E2F1: variants seen among roughly 807,000 people sequenced by gnomAD.
E2F1 encodes E2F transcription factor 1.
In E2F1, 7 loss-of-function variants were observed where a neutral mutation model predicts 36.9. The ratio of observed to expected loss-of-function variants is 0.19; its 90% CI spans 0.11 to 0.36. The LOEUF (loss-of-function observed/expected upper bound fraction) is 0.36. Ranked by LOEUF, E2F1 falls within the 10% of genes least tolerant of loss-of-function variation. The pLI, the probability that E2F1 is intolerant of heterozygous loss-of-function variation, is 1.00. For synonymous variants in E2F1, 261 were observed against 263.1 expected (o/e 0.99, Z 0.08); for missense variants, 406 against 573.6 (o/e 0.71, Z 2.99).
intron 1 of E2F1, among the ~76,000 whole-genome samples, chr20:33,682,922 T>C (rs1001124749): frequency 1.3e-5 from 2 of 152,190 alleles, no homozygotes; most frequent in African/African-American, 2.4e-5. Context: ...TCATGAAACT[T>C]TTCTCTGGTT....
intron 1 of E2F1, among the ~76,000 whole-genome samples, chr20:33,685,123 C>G (rs2018054083): frequency 6.6e-6 from 1 of 152,214 alleles, no homozygotes; most frequent in South Asian, 2.1e-4. Context: ...TAAAGGATCT[C>G]CCTGAGACAT....
chr20:33,676,901 G>C lies in E2F1; in HGVS notation c.1145C>G (p.Ser382Trp). Residue 382 changes from serine to tryptophan, a missense_variant, in exon 7 of 7, where the codon TCG (serine) becomes TGG (tryptophan). Coordinates refer to ENST00000343380, the MANE Select transcript of E2F1 (RefSeq NM_005225.3). ...DRLSPLVAADSLLEHVREDFS... is the reference protein window; with the variant it reads ...DRLSPLVAADWLLEHVREDFS... ...GTCCTCCCGCACATGCTCCAGGAGC[G>C]AGTCGGCCGCCACCAGCGGGGACAG... 6.4e-7 allele frequency: 1 copy of C among 1,569,896 alleles called. No homozygotes were observed. Among genetic ancestry groups the C allele is most frequent in the Non-Finnish European group, 8.6e-7 (1 of 1,156,648 alleles).
In E2F1 at chr20:33,679,584, A is replaced by G. The variant is rs930557826; in HGVS notation, c.572+171T>C. On this transcript the variant is annotated intron_variant, in intron 3 of 6. Coordinates refer to ENST00000343380, the MANE Select transcript of E2F1 (RefSeq NM_005225.3). This position sits in a 1 kb window ranked among gnomAD's most constrained non-coding sequence, Gnocchi z 4.6. ...AAGCTGCAACTGAGGTGGATATGTA[A>G]GATTTGTGTGCTTTTTACCATCTAT... Among the ~76,000 whole-genome samples the G allele has an allele frequency of 6.6e-6, 1 of 152,172 alleles. No homozygotes were observed. The highest frequency in any genetic ancestry group is 1.5e-5 in the Non-Finnish European group (1 of 68,030).
intron 1 of E2F1, among the ~76,000 whole-genome samples, chr20:33,684,250 C>T (rs2018043575): frequency 6.6e-6 from 1 of 152,216 alleles, no homozygotes. Context: ...GAGGACAAGA[C>T]CCTCAGGTTG....
chr20:33,679,751 C>G lies in E2F1; in HGVS notation c.572+4G>C. 1 of 1,612,910 alleles carries G rather than the reference C, an allele frequency of 6.2e-7. No individual in the cohort carries two copies. The highest frequency in any genetic ancestry group is 8.5e-7 in the Non-Finnish European group (1 of 1,179,910). ...GCCTGCCCTCCTGTGTGGCCGGTAC[C>G]TACAGCCACTGGATGTGGTTCTTGG... On this transcript the variant is annotated splice_donor_region_variant and intron_variant, in intron 3 of 6. Transcript: ENST00000343380. The surrounding 1 kb of genome is among the most constrained non-coding windows in gnomAD (Gnocchi z 4.6).
intron 2 of E2F1, 48 bp from the exon 3 acceptor site, chr20:33,680,022 C>A: frequency 1.4e-6 from 2 of 1,447,844 alleles, no homozygotes; most frequent in Admixed American, 2.0e-5. Flanking sequence ...CATCCACCCC[C>A]ACCTCCAGCC....
chr20:33,678,493 C>T, intron 3 of E2F1, 140 bp from the exon 4 acceptor site: 1 of 1,099,624 alleles, frequency 9.1e-7, no homozygotes, highest in South Asian at 1.6e-5. Context: ...GGGTCTGGCT[C>T]CTCAGCTGGG....
Position 33,686,132 on chromosome 20 carries a change from GGGCGCTGGCGTCCTGCGC to G in E2F1, c.115_132del (p.Ala39_Ala44del). ...GCCGCGGGGCCGGTGGGAGCCGGCGGGGCGCTGGCGTCCTGCGCGGCGGAGATGATGACGATCTGCGAG... is the reference window on the plus strand; with the variant it reads ...GCCGCGGGGCCGGTGGGAGCCGGCGGGGCGGAGATGATGACGATCTGCGAG... On this transcript the variant is annotated inframe_deletion, in exon 1 of 7. Transcript: ENST00000343380. 9.4e-7 allele frequency: 1 copy of G among 1,060,994 alleles called. No individual in the cohort carries two copies. The highest frequency in any genetic ancestry group is 1.1e-6 in the Non-Finnish European group (1 of 880,852). The allele number at this position is 1,060,994 out of a possible 1,614,324, so 65.7% of individuals were successfully genotyped here.
chr20:33,680,504 G>T, intron 1 of E2F1, 88 bp from the exon 2 acceptor site: 1 of 1,167,398 alleles, frequency 8.6e-7, no homozygotes, highest in Non-Finnish European at 1.2e-6. Context: ...GGCTACCCTC[G>T]CCTCAGTTTC....
chr20:33,680,474 C>A, intron 1 of E2F1, 58 bp from the exon 2 acceptor site: 1 of 1,536,372 alleles, frequency 6.5e-7, no homozygotes. Flanking sequence ...AGAGACCTGG[C>A]TTAAGGCTGG....
At position 33,676,745 on chromosome 20, in the gene E2F1, G is replaced by A. The variant is rs267605891; in HGVS notation, c.1301C>T (p.Pro434Leu). The change falls in exon 7 of 7, where the codon CCC becomes CTC. Residue 434 changes from proline to leucine, a missense_variant. By Grantham distance (98) the Pro-to-Leu change is moderately conservative. Around this residue, in one of 5 missense-constraint regions of E2F1, gnomAD observed 163 missense variants for 181.5 expected, o/e 0.90. Coordinates refer to ENST00000343380, the MANE Select transcript of E2F1 (RefSeq NM_005225.3). ...CTCCAAGCCCTGTCAGAAATCCAGGGGGGTGAGGTCCCCAAAGTCACAGTC... is the reference window on the plus strand; with the variant it reads ...CTCCAAGCCCTGTCAGAAATCCAGGAGGGTGAGGTCCCCAAAGTCACAGTC... ...LFDCDFGDLTPLDF is the reference protein window; with the variant it reads ...LFDCDFGDLTLLDF 1.6e-5 allele frequency: 25 copies of A among 1,609,078 alleles called. No individual in the cohort carries two copies. The highest frequency in any genetic ancestry group is 2.0e-5 in the Non-Finnish European group (23 of 1,177,886).
chr20:33,677,438 C>A lies in E2F1; in HGVS notation c.828G>T (p.Val276=), dbSNP rs1332961613. The change falls in exon 5 of 7, where the codon GTG becomes GTT. Residue 276 remains valine, a synonymous_variant. Transcript: ENST00000343380. Reference sequence around the variant, plus strand: ...TCCCAGATCTCACCTCCGAAGAGTCCACGGCTTGGAGCTGGGTCTCAGGAG... The same window carrying A: ...TCCCAGATCTCACCTCCGAAGAGTCAACGGCTTGGAGCTGGGTCTCAGGAG... ...KAPPETQLQA[V]DSSENFQISL... The A allele has an allele frequency of 2.5e-6, 4 of 1,613,954 alleles. No homozygotes were observed. In the African/African-American group the frequency reaches 5.3e-5, roughly 22 times the overall value.
intron 1 of E2F1, among the ~76,000 whole-genome samples, chr20:33,684,839 C>A (rs2018051146): frequency 1.3e-5 from 2 of 152,100 alleles, no homozygotes; most frequent in African/African-American, 2.4e-5. Context: ...GCTTCTACCT[C>A]CTTGTCCTGA....
intron 1 of E2F1, among the ~76,000 whole-genome samples, chr20:33,681,950 G>A (rs1458207488): frequency 5.3e-5 from 8 of 152,072 alleles, no homozygotes; most frequent in Non-Finnish European, 8.8e-5. Flanking sequence ...CCCGAGTCAC[G>A]TTTTCCCAGA....
chr20:33,676,952 A>G lies in E2F1; in HGVS notation c.1094T>C (p.Leu365Pro), dbSNP rs1392564339. ...QEPLLSRMGS[L>P]RAPVDEDRLS... ...GCGGTCCTCGTCCACGGGAGCCCGC[A>G]GGCTGCCCATCCGGGACAACAGCGG... Residue 365 changes from leucine to proline, a missense_variant, in exon 7 of 7, where the codon CTG becomes CCG. By Grantham distance (98) the Leu-to-Pro change is moderately conservative (BLOSUM62 -3). Around this residue, in one of 5 missense-constraint regions of E2F1, gnomAD observed 163 missense variants for 181.5 expected, o/e 0.90. Transcript: ENST00000343380. The G allele has an allele frequency of 2.6e-6, 4 of 1,564,272 alleles. No homozygotes were observed. Among genetic ancestry groups the G allele is most frequent in the South Asian group, 2.3e-5 (2 of 86,180 alleles).
chr20:33,678,104 G>C, intron 4 of E2F1, 97 bp downstream of exon 4: 1 of 1,424,160 alleles, frequency 7.0e-7, no homozygotes, highest in Non-Finnish European at 9.4e-7. Flanking sequence ...ACCAAAATCA[G>C]AGCTCTCTCT....
intron 1 of E2F1, among the ~76,000 whole-genome samples, chr20:33,680,639 A>T (rs1171471062): frequency 6.6e-6 from 1 of 152,142 alleles, no homozygotes; most frequent in Non-Finnish European, 1.5e-5. Context: ...TGGATTTAAA[A>T]CACATCCGCA....
Position 33,680,351 on chromosome 20 carries a change from C to T in E2F1, c.327G>A (p.Arg109=). The change falls in exon 2 of 7, where the codon CGG becomes CGA. Residue 109 remains arginine (R), a synonymous_variant. Transcript: ENST00000343380. Reference sequence around the variant, plus strand: ...CTTTTCCTGGATGGCGGCCTCTGCCCCGAGCTGGCCCACTGCTCTCGGCCA... The same window carrying T: ...CTTTTCCTGGATGGCGGCCTCTGCCTCGAGCTGGCCCACTGCTCTCGGCCA... ...QYLAESSGPA[R]GRGRHPGKGV... is the part of the protein sequence containing the mutation. 1 of 1,614,204 alleles carries T rather than the reference C, an allele frequency of 6.2e-7. No individual in the cohort carries two copies. Among genetic ancestry groups the T allele is most frequent in the Non-Finnish European group, 8.5e-7 (1 of 1,180,028 alleles).
At position 33,677,237 on chromosome 20, in the gene E2F1, G is replaced by A. The variant is rs2017973706; in HGVS notation, c.934C>T (p.Pro312Ser). Residue 312 changes from proline (P) to serine (S), a missense_variant, in exon 6 of 7, where the codon CCA becomes TCA. Coordinates refer to ENST00000343380, the MANE Select transcript of E2F1 (RefSeq NM_005225.3). ...TCCTCAGAAGTGACCTCCTGGGATGGGGTCTTCCCAGGGCTGATCCCACCT... is the reference window on the plus strand; with the variant it reads ...TCCTCAGAAGTGACCTCCTGGGATGAGGTCTTCCCAGGGCTGATCCCACCT... ...TVGGISPGKT[P>S]SQEVTSEEEN... The A allele has an allele frequency of 1.2e-6, 2 of 1,613,984 alleles. No individual in the cohort carries two copies.
Sources: gnomAD v4.1 joint callset for allele counts (sites outside exome capture counted in the v4.1 genomes callset) on GRCh38, gnomAD v4.1.1 for gene constraint, gnomAD v4.1.1 regional missense constraint, Gnocchi (gnomAD v3.1) non-coding constraint, MANE v1.5 for transcripts, NCBI Gene and HGNC (gene_info 2026-07-23, HGNC 2026-07-21) for gene names.